Variants in KIF6 observed in about 807,000 individuals in gnomAD.
KIF6 encodes the protein kinesin-like protein KIF6.
Under a neutral mutation model 112.7 loss-of-function variants are expected in KIF6, and 106 were observed. That is an observed-to-expected ratio of 0.94 (90% CI 0.80 to 1.11). The LOEUF (loss-of-function observed/expected upper bound fraction) is 1.11, where lower values mean the gene tolerates loss of function less well. KIF6 is among the 50% of genes least tolerant of loss of function. KIF6 has a pLI of 0.00. For missense variants in KIF6, 929 were observed against 964.0 expected, an observed-to-expected ratio of 0.96 and a Z score of 0.48; for synonymous variants, 339 against 339.9, an observed-to-expected ratio of 1.00 and a Z score of 0.03.
At chr6:39,381,402 A>C (rs1397345100) in intron 16 of KIF6, among the ~76,000 whole-genome samples, 2 of 152,312 alleles carry the variant, frequency 1.3e-5, no homozygotes, top group Middle Eastern at 3.4e-3. Flanking sequence ...GAAGATACAC[A>C]AAAAAGACAG....
chr6:39,663,905 A>G (rs1488897847), intron 3 of KIF6, among the ~76,000 whole-genome samples: 1 of 151,820 alleles, frequency 6.6e-6, no homozygotes, highest in Non-Finnish European at 1.5e-5. Flanking sequence ...AGAAATGTAA[A>G]GCAATTTAAT....
intron 10 of KIF6, among the ~76,000 whole-genome samples, chr6:39,559,141 A>G (rs1779880286): frequency 6.6e-6 from 1 of 152,186 alleles, no homozygotes; most frequent in African/African-American, 2.4e-5. Flanking sequence ...TTCTTATAAA[A>G]TGCAAGGGAG....
intron 13 of KIF6, among the ~76,000 whole-genome samples, chr6:39,531,312 G>C (rs1466821264): frequency 6.6e-6 from 1 of 152,096 alleles, no homozygotes; most frequent in African/African-American, 2.4e-5. Flanking sequence ...AATATCAAGG[G>C]AGGAAAAGAG....
At chr6:39,707,400 T>C (rs1158029091) in intron 3 of KIF6, among the ~76,000 whole-genome samples, 1 of 152,210 alleles carries the variant, frequency 6.6e-6, no homozygotes, top group Non-Finnish European at 1.5e-5. Flanking sequence ...TAGACTCTTC[T>C]TGAGGATTTT....
chr6:39,501,411 A>G (rs1306185283), intron 13 of KIF6, among the ~76,000 whole-genome samples: 1 of 152,262 alleles, frequency 6.6e-6, no homozygotes, highest in Non-Finnish European at 1.5e-5. Flanking sequence ...AAAAAGCCAC[A>G]GTGCCCCTTT....
chr6:39,540,450 T>C (rs1655937231), intron 12 of KIF6, among the ~76,000 whole-genome samples: 3 of 152,226 alleles, frequency 2.0e-5, no homozygotes, highest in Non-Finnish European at 4.4e-5. Flanking sequence ...GTCTTTACAA[T>C]GTTCTGAGTT....
In KIF6 at chr6:39,429,985, C is replaced by T. The variant is rs577945343; in HGVS notation, c.1754+1068G>A. Among the ~76,000 whole-genome samples the T allele has an allele frequency of 4.6e-5, 7 of 152,266 alleles. No individual in the cohort carries two copies. The East Asian group carries it at 9.6e-4, about 21-fold the overall frequency. On this transcript the variant is annotated intron_variant, in intron 14 of 22. Transcript: ENST00000287152. ...TTCTTCTCACTCGCTCCTCCATGCC[C>T]GGCAGTCCAGCCAATGGCCTTCTAG... is the stretch of plus-strand genomic sequence containing the variant.
At position 39,512,846 on chromosome 6, in the gene KIF6, T is replaced by C. The variant is rs181086642; in HGVS notation, c.1645+27157A>G. On this transcript the variant is annotated intron_variant, in intron 13 of 22. Coordinates refer to ENST00000287152, the MANE Select transcript of KIF6 (RefSeq NM_145027.6). ...TGAGGATCTATATGAATTCGAATGCTCCCTTTCTGACTTTGAGTTTTGCTT... is the reference window on the plus strand; with the variant it reads ...TGAGGATCTATATGAATTCGAATGCCCCCTTTCTGACTTTGAGTTTTGCTT... Among the ~76,000 whole-genome samples the C allele has an allele frequency of 2.6e-5, 4 of 152,262 alleles. No homozygotes were observed. In the East Asian group the frequency reaches 7.7e-4, roughly 29 times the overall value.
At chr6:39,461,968 G>T (rs1181119561) in intron 13 of KIF6, among the ~76,000 whole-genome samples, 2 of 150,988 alleles carry the variant, frequency 1.3e-5, no homozygotes, top group Non-Finnish European at 2.9e-5. Context: ...TCCATTTTAT[G>T]CTTAAATTAA....
chr6:39,357,150 AAAAGGAATT>A (rs1764762734), intron 19 of KIF6, 118 bp downstream of exon 19: 1 of 614,436 alleles, frequency 1.6e-6, no homozygotes, highest in African/African-American at 1.8e-5. Context: ...ATTAAACAGT[AAAAGGAATT>A]AATCCTGCTG....
At chr6:39,374,137 C>T (rs1054329711) in intron 16 of KIF6, among the ~76,000 whole-genome samples, 2 of 152,124 alleles carry the variant, frequency 1.3e-5, no homozygotes, top group Non-Finnish European at 2.9e-5. Context: ...ACAACAGTTT[C>T]TTCAATAAAA....
In KIF6 at chr6:39,646,338, T is replaced by C. The variant is rs546893129; in HGVS notation, c.252-6581A>G. Among the ~76,000 whole-genome samples the C allele has an allele frequency of 1.0e-3, 158 of 151,922 alleles. 1 individual carries two copies. The highest frequency in any genetic ancestry group is 0.01 in the Middle Eastern group (3 of 292). Reference sequence around the variant, plus strand: ...TGAAAAAAAAAGAAACAAAATATAGTAATAGGATCATGGATTTTATAATTG... The same window carrying C: ...TGAAAAAAAAAGAAACAAAATATAGCAATAGGATCATGGATTTTATAATTG... On this transcript the variant is annotated intron_variant, in intron 3 of 22. Transcript: ENST00000287152.
At chr6:39,640,489 TGTTC>T (rs1483642101) in intron 3 of KIF6, among the ~76,000 whole-genome samples, 1 of 152,154 alleles carries the variant, frequency 6.6e-6, no homozygotes, top group Admixed American at 6.6e-5. Flanking sequence ...TGTAGCTTTA[TGTTC>T]GTTTTTTGAT....
intron 15 of KIF6, among the ~76,000 whole-genome samples, chr6:39,405,301 G>A (rs957377062): frequency 2.0e-5 from 3 of 152,178 alleles, no homozygotes. Flanking sequence ...GCCGATCTTA[G>A]AGAAAAGCAT....
intron 6 of KIF6, among the ~76,000 whole-genome samples, chr6:39,608,633 T>C (rs1400781221): frequency 6.6e-6 from 1 of 152,234 alleles, no homozygotes; most frequent in African/African-American, 2.4e-5. Flanking sequence ...GGAAATTATT[T>C]ATAAATCCCA....
chr6:39,443,092 C>T (rs569570358), intron 13 of KIF6, among the ~76,000 whole-genome samples: 3 of 147,710 alleles, frequency 2.0e-5, no homozygotes, highest in African/African-American at 7.5e-5. Context: ...CCAGCCTGGG[C>T]GACAGAGTGA....
intron 3 of KIF6, among the ~76,000 whole-genome samples, chr6:39,697,910 T>C (rs1007543710): frequency 1.3e-5 from 2 of 152,160 alleles, no homozygotes; most frequent in African/African-American, 4.8e-5. Flanking sequence ...TAAAACAGAT[T>C]GGGAAACTAC....
Position 39,545,572 on chromosome 6 carries a change from T to A in KIF6, c.1287+11A>T. On this transcript the variant is annotated intron_variant, in intron 11 of 22. Transcript: ENST00000287152. ...GAAAATGGCTTCTATTGGGGAAACA[T>A]TTAAGTTTACCTTTAAATGATGAAA... 1 of 1,599,304 alleles carries A rather than the reference T, an allele frequency of 6.3e-7. No individual in the cohort carries two copies. Among genetic ancestry groups the A allele is most frequent in the Non-Finnish European group, 8.6e-7 (1 of 1,167,870 alleles).
At chr6:39,512,348 C>T (rs116378338) in intron 13 of KIF6, among the ~76,000 whole-genome samples, 1,818 of 152,146 alleles carry the variant, frequency 0.012, 22 homozygotes, top group Non-Finnish European at 0.02. Flanking sequence ...TGCTGGTGGC[C>T]CCTAAAGAAG....
Sources: allele counts gnomAD v4.1 joint callset (sites outside exome capture counted in the v4.1 genomes callset), GRCh38; gene constraint gnomAD v4.1.1; transcripts MANE v1.5; gene names NCBI Gene and HGNC (gene_info 2026-07-23, HGNC 2026-07-21).